The following ADAMTS6 variants were observed in gnomAD, a reference collection of about 807,000 sequenced individuals.
ADAMTS6 encodes the protein A disintegrin and metalloproteinase with thrombospondin motifs 6.
A neutral mutation model predicts 144.3 loss-of-function variants in ADAMTS6; 23 were observed. The observed-to-expected ratio is 0.16, with a 90% CI of 0.11 to 0.23. ADAMTS6 has a LOEUF of 0.23. Among genes scored for constraint, ADAMTS6 ranks in the 10% least tolerant of loss-of-function variants. The probability of loss-of-function intolerance (pLI) is 1.00; values close to 1 mark genes in which losing one functional copy is unlikely to be tolerated. For synonymous variants in ADAMTS6, 444 were observed against 457.5 expected, an observed-to-expected ratio of 0.97 and a Z score of 0.38; for missense variants, 999 against 1,379.6, an observed-to-expected ratio of 0.72 and a Z score of 4.37.
chr5:65,373,730 T>C (rs1185616609), intron 7 of ADAMTS6, among the ~76,000 whole-genome samples: 1 of 152,042 alleles, frequency 6.6e-6, no homozygotes, highest in African/African-American at 2.4e-5. Context: ...TCAATAGAAA[T>C]AGAGGGAATC....
chr5:65,181,114 T>C (rs1754323378), intron 22 of ADAMTS6, among the ~76,000 whole-genome samples: 2 of 152,224 alleles, frequency 1.3e-5, no homozygotes, highest in Admixed American at 1.3e-4. Flanking sequence ...GCCATTCTAA[T>C]ACTAATTCTT....
rs1214335946 is a variant in ADAMTS6 at position 65,167,260 on chromosome 5, C to T, written c.3244+3357G>A. 1.6e-3 allele frequency among the ~76,000 whole-genome samples: 239 copies of T among 151,760 alleles called. 1 individual carries two copies. Among genetic ancestry groups the T allele is most frequent in the Non-Finnish European group, 2.1e-3 (140 of 67,888 alleles). On this transcript the variant is annotated intron_variant, in intron 24 of 24. Transcript: ENST00000381055. ...TCAGAGAATACTACAAACACCTCTA[C>T]GCAAATAAACTAGAAAATCTAGAAG...
chr5:65,361,931 C>T (rs994901869), intron 7 of ADAMTS6, among the ~76,000 whole-genome samples: 3 of 152,074 alleles, frequency 2.0e-5, no homozygotes, highest in African/African-American at 7.2e-5. Flanking sequence ...GAAAAGGTTT[C>T]ACCACATTGC....
intron 7 of ADAMTS6, among the ~76,000 whole-genome samples, chr5:65,372,380 C>T (rs1429490497): frequency 1.3e-5 from 2 of 151,854 alleles, no homozygotes; most frequent in Non-Finnish European, 1.5e-5. Context: ...TGCAGAGGCA[C>T]ACATAGGCTC....
At chr5:65,317,201 T>C (rs1745092535) in intron 9 of ADAMTS6, among the ~76,000 whole-genome samples, 1 of 152,192 alleles carries the variant, frequency 6.6e-6, no homozygotes, top group Non-Finnish European at 1.5e-5. Flanking sequence ...CAAATCTACA[T>C]ATGCATTTGG....
intron 7 of ADAMTS6, among the ~76,000 whole-genome samples, chr5:65,412,337 AG>A (rs1417140700): frequency 6.6e-6 from 1 of 152,056 alleles, no homozygotes; most frequent in Non-Finnish European, 1.5e-5. Flanking sequence ...CTCGGAAGAG[AG>A]GATTAGGATT....
chr5:65,359,258 G>C (rs1295180990), intron 7 of ADAMTS6, among the ~76,000 whole-genome samples: 1 of 151,998 alleles, frequency 6.6e-6, no homozygotes, highest in Non-Finnish European at 1.5e-5. Flanking sequence ...TGATATGAAC[G>C]ACATTTCTCA....
intron 7 of ADAMTS6, among the ~76,000 whole-genome samples, chr5:65,411,289 C>G (rs1346902202): frequency 2.6e-5 from 4 of 152,138 alleles, no homozygotes. Context: ...ATTTCATATC[C>G]TTTGGATATG....
At chr5:65,191,544 C>A (rs11738990) in intron 21 of ADAMTS6, among the ~76,000 whole-genome samples, 22,076 of 151,818 alleles carry the variant, frequency 0.15, 1,683 homozygotes, top group Non-Finnish European at 0.16. Context: ...CACAACATAG[C>A]AAAATTGTAA....
At chr5:65,334,947 CCT>C (rs1449925447) in intron 7 of ADAMTS6, among the ~76,000 whole-genome samples, 1 of 151,960 alleles carries the variant, frequency 6.6e-6, no homozygotes, top group African/African-American at 2.4e-5. Context: ...TTTTTATTTG[CCT>C]CTGTTTTATG....
chr5:65,210,628 G>T, intron 20 of ADAMTS6: 1 of 607,244 alleles, frequency 1.6e-6, no homozygotes, highest in Non-Finnish European at 3.0e-6. Flanking sequence ...TATGGATGGA[G>T]GCTTGTCTAT....
chr5:65,224,259 T>TTA, intron 18 of ADAMTS6, 61 bp downstream of exon 18: 1 of 1,365,830 alleles, frequency 7.3e-7, no homozygotes, highest in Non-Finnish European at 1.0e-6. Flanking sequence ...TTCATGATAC[T>TTA]GTGCTACTTT....
chr5:65,354,771 A>T (rs1580472782), intron 7 of ADAMTS6, among the ~76,000 whole-genome samples: 1 of 31,724 alleles, frequency 3.2e-5, no homozygotes, highest in Non-Finnish European at 6.0e-5. Flanking sequence ...AATTGAATTA[A>T]AAAAAATAGA....
intron 7 of ADAMTS6, among the ~76,000 whole-genome samples, chr5:65,412,019 C>G (rs1213713014): frequency 6.6e-6 from 1 of 152,104 alleles, no homozygotes; most frequent in East Asian, 1.9e-4. Context: ...AAGACATTTA[C>G]ATGAATTATT....
intron 20 of ADAMTS6, among the ~76,000 whole-genome samples, chr5:65,204,458 T>C (rs1438253083): frequency 6.6e-6 from 1 of 152,158 alleles, no homozygotes; most frequent in African/African-American, 2.4e-5. Context: ...CCTAGGATCT[T>C]GGGGGCTGTG....
Position 65,220,738 on chromosome 5 carries a change from C to T in ADAMTS6, c.2272+3582G>A, listed in dbSNP as rs563770281. ...CTCCAGCCTGGGCAACAGAGCGAGACTCCGTCTCAAAAAAAAAAGAAGAGT... is the reference window on the plus strand; with the variant it reads ...CTCCAGCCTGGGCAACAGAGCGAGATTCCGTCTCAAAAAAAAAAGAAGAGT... On this transcript the variant is annotated intron_variant, in intron 18 of 24. Transcript: ENST00000381055. Among the ~76,000 whole-genome samples the T allele has an allele frequency of 3.6e-3, 538 of 151,364 alleles. 3 individuals carry two copies. Among genetic ancestry groups the T allele is most frequent in the African/African-American group, 0.012 (500 of 41,254 alleles).
intron 3 of ADAMTS6, among the ~76,000 whole-genome samples, chr5:65,461,523 T>C (rs531670026): frequency 1.3e-5 from 2 of 152,346 alleles, no homozygotes; most frequent in African/African-American, 4.8e-5. Flanking sequence ...TTCCTAAGTA[T>C]GGCACATGTG....
chr5:65,275,031 A>G lies in ADAMTS6; in HGVS notation c.1513-1584T>C, dbSNP rs75351438. On this transcript the variant is annotated intron_variant, in intron 11 of 24. Transcript: ENST00000381055. ...AAAATGTTTAAACTCCATTTGGAGA[A>G]CTAGTGGCCTAGAGAGACAAAATAT... Among the ~76,000 whole-genome samples, 365 of 152,030 alleles carry G rather than the reference A, an allele frequency of 2.4e-3. 2 individuals are homozygous for G. Among genetic ancestry groups the G allele is most frequent in the African/African-American group, 8.1e-3 (337 of 41,492 alleles).
intron 8 of ADAMTS6, 37 bp from the exon 9 acceptor site, chr5:65,329,520 A>C (rs1317892186): frequency 6.4e-7 from 1 of 1,553,138 alleles, no homozygotes; most frequent in Non-Finnish European, 8.7e-7. Flanking sequence ...GGTCAAGCCA[A>C]GGTGTTTCAG....
Sources: allele counts gnomAD v4.1 joint callset (sites outside exome capture counted in the v4.1 genomes callset), GRCh38; gene constraint gnomAD v4.1.1; transcripts MANE v1.5; gene names NCBI Gene and HGNC (gene_info 2026-07-23, HGNC 2026-07-21).